Variants in CRADD observed in about 807,000 individuals in gnomAD.
CRADD encodes death domain-containing protein CRADD.
A neutral mutation model predicts 15.5 loss-of-function variants in CRADD; 9 were observed. That is an observed-to-expected ratio of 0.58 (90% CI 0.35 to 1.01). CRADD has a LOEUF of 1.01. Ranked by LOEUF, CRADD falls within the 50% of genes least tolerant of loss-of-function variation. CRADD has a pLI of 0.02. For synonymous variants in CRADD, 118 were observed against 107.6 expected, an observed-to-expected ratio of 1.10 and a Z score of -0.60; for missense variants, 227 against 250.3, an observed-to-expected ratio of 0.91 and a Z score of 0.63.
intron 2 of CRADD, among the ~76,000 whole-genome samples, chr12:93,697,006 A>T (rs1426579338): frequency 6.6e-6 from 1 of 152,186 alleles, no homozygotes; most frequent in African/African-American, 2.4e-5. Flanking sequence ...GATACTGACA[A>T]ATGACTGTAG....
chr12:93,760,034 C>G (rs937278561), intron 2 of CRADD, among the ~76,000 whole-genome samples: 8 of 152,090 alleles, frequency 5.3e-5, no homozygotes, highest in African/African-American at 1.9e-4. Context: ...TAACCCAGCC[C>G]GCAGAGACAT....
chr12:93,840,495 G>T (rs544870055), intron 2 of CRADD, among the ~76,000 whole-genome samples: 1 of 151,852 alleles, frequency 6.6e-6, no homozygotes, highest in South Asian at 2.1e-4. Flanking sequence ...AGGTCATATT[G>T]TCTGAAAATA....
chr12:93,800,989 T>A (rs1004655357), intron 2 of CRADD, among the ~76,000 whole-genome samples: 1 of 152,102 alleles, frequency 6.6e-6, no homozygotes, highest in Admixed American at 6.5e-5. Context: ...CTTTTCTGTT[T>A]GCTATATTTC....
chr12:93,742,046 T>C (rs1053705640), intron 2 of CRADD, among the ~76,000 whole-genome samples: 7 of 152,202 alleles, frequency 4.6e-5, no homozygotes, highest in African/African-American at 1.7e-4. Context: ...TCCTTGCTAA[T>C]GTCAGCAACC....
At chr12:93,683,068 G>C (rs570364309) in intron 2 of CRADD, among the ~76,000 whole-genome samples, 145 of 152,314 alleles carry the variant, frequency 9.5e-4, no homozygotes, top group African/African-American at 3.3e-3. Context: ...GCCGTGTCTG[G>C]GTGAAGGCAG....
intron 2 of CRADD, among the ~76,000 whole-genome samples, chr12:93,827,440 G>A (rs949479777): frequency 6.6e-6 from 1 of 152,136 alleles, no homozygotes; most frequent in African/African-American, 2.4e-5. Context: ...TTGCAGATAT[G>A]CCATAGTTTG....
chr12:93,752,920 C>G (rs1399050428), intron 2 of CRADD, among the ~76,000 whole-genome samples: 1 of 152,200 alleles, frequency 6.6e-6, no homozygotes, highest in East Asian at 1.9e-4. Flanking sequence ...TGGTGGCAGA[C>G]AAGAGAAGAG....
chr12:93,816,401 A>ATT (rs1957698274), intron 2 of CRADD, among the ~76,000 whole-genome samples: 47 of 38,092 alleles, frequency 1.2e-3, no homozygotes, highest in East Asian at 2.2e-3. Context: ...TTTTTTTTGG[A>ATT]TTTTTGGTAG....
intron 2 of CRADD, among the ~76,000 whole-genome samples, chr12:93,710,313 A>G (rs906592867): frequency 1.3e-5 from 2 of 151,740 alleles, no homozygotes; most frequent in African/African-American, 2.4e-5. Flanking sequence ...CAAGTGTGAG[A>G]ATAAGGAAGC....
intron 2 of CRADD, among the ~76,000 whole-genome samples, chr12:93,890,970 A>G: frequency 6.6e-6 from 1 of 151,372 alleles, no homozygotes; most frequent in Admixed American, 6.6e-5. Context: ...GCTGGTCTCA[A>G]ACTCCTGGCC....
At chr12:93,844,144 T>C (rs1284645034) in intron 2 of CRADD, among the ~76,000 whole-genome samples, 1 of 152,224 alleles carries the variant, frequency 6.6e-6, no homozygotes, top group Non-Finnish European at 1.5e-5. Flanking sequence ...TTTCTAATCA[T>C]ATTAAAATAG....
intron 2 of CRADD, among the ~76,000 whole-genome samples, chr12:93,869,946 C>T (rs1052463177): frequency 1.1e-4 from 16 of 151,884 alleles, no homozygotes; most frequent in Admixed American, 1.3e-4. Flanking sequence ...GCCCAGTATA[C>T]CTCAAACAGA....
chr12:93,837,245 GTTTTTGTTTGTTTGTT>G (rs1565932831), intron 2 of CRADD: 1 of 148,658 alleles, frequency 6.7e-6, no homozygotes, highest in Non-Finnish European at 1.5e-5. Flanking sequence ...TTCATTTCAC[GTTTTTGTTTGTTTGTT>G]TGTTTGTTTG....
At chr12:93,787,500 G>T (rs969220570) in intron 2 of CRADD, among the ~76,000 whole-genome samples, 3 of 151,806 alleles carry the variant, frequency 2.0e-5, no homozygotes, top group African/African-American at 4.9e-5. Context: ...GCTGAACCTT[G>T]TACTTAACCT....
intron 2 of CRADD, among the ~76,000 whole-genome samples, chr12:93,731,384 G>A (rs970970789): frequency 6.6e-6 from 1 of 152,198 alleles, no homozygotes; most frequent in Non-Finnish European, 1.5e-5. Context: ...TTTTGTTAGG[G>A]AGTATGTAGG....
chr12:93,749,295 G>A (rs1164930635), intron 2 of CRADD, among the ~76,000 whole-genome samples: 3 of 152,266 alleles, frequency 2.0e-5, no homozygotes, highest in Non-Finnish European at 2.9e-5. Context: ...GTGTGTTCTG[G>A]GACCTGCCAG....
chr12:93,748,824 G>A (rs1285716814), intron 2 of CRADD, among the ~76,000 whole-genome samples: 2 of 152,200 alleles, frequency 1.3e-5, no homozygotes, highest in Non-Finnish European at 2.9e-5. Flanking sequence ...TTGGAAACAG[G>A]TATCTTTGGG....
chr12:93,842,645 G>A (rs1379123963), intron 2 of CRADD, among the ~76,000 whole-genome samples: 1 of 152,114 alleles, frequency 6.6e-6, no homozygotes, highest in African/African-American at 2.4e-5. Flanking sequence ...AAATGCAATA[G>A]GGATTAGAGA....
chr12:93,738,771 G>C (rs994477124), intron 2 of CRADD: 4 of 233,040 alleles, frequency 1.7e-5, no homozygotes, highest in East Asian at 1.7e-4. Flanking sequence ...AAAATAATTA[G>C]TAAGTCACAA....
Sources: gnomAD v4.1 joint callset for allele counts (sites outside exome capture counted in the v4.1 genomes callset) on GRCh38, gnomAD v4.1.1 for gene constraint, MANE v1.5 for transcripts, NCBI Gene and HGNC (gene_info 2026-07-23, HGNC 2026-07-21) for gene names.